The following ENC1 variants were observed in gnomAD, a reference collection of about 807,000 sequenced individuals.
ENC1 encodes ectodermal-neural cortex 1.
In ENC1, 19 loss-of-function variants were observed where a neutral mutation model predicts 40.9. The ratio of observed to expected loss-of-function variants is 0.46; its 90% CI spans 0.32 to 0.68. The LOEUF is 0.68. Among genes scored for constraint, ENC1 ranks in the 30% least tolerant of loss-of-function variants. The pLI is 0.03. For missense variants in ENC1, 479 were observed against 737.5 expected (o/e 0.65, Z 4.06); for synonymous variants, 285 against 291.1 (o/e 0.98, Z 0.21).
chr5:74,635,304 C>A lies in ENC1; in HGVS notation c.1182G>T (p.Gly394=). Residue 394 remains glycine (G), a synonymous_variant, in exon 2 of 3, where the codon GGG becomes GGT. Coordinates refer to ENST00000302351, the MANE Select transcript of ENC1 (RefSeq NM_003633.4). This position sits in a 1 kb window ranked among gnomAD's most constrained non-coding sequence, Gnocchi z 5.5. ...AELKHCLYVV[G]GHTAATGCLP... is the part of the protein sequence containing the mutation. ...GGCAGCCAGTTGCGGCCGTGTGCCC[C>A]CCAACCACATACAGGCAGTGCTTCA... 1 of 1,614,180 alleles carries A rather than the reference C, an allele frequency of 6.2e-7. No homozygotes were observed. Among genetic ancestry groups the A allele is most frequent in the Non-Finnish European group, 8.5e-7 (1 of 1,180,038 alleles).
At chr5:74,640,255 C>T (rs1747805520) in intron 1 of ENC1, 52 bp downstream of exon 1, 1 of 152,994 alleles carries the variant, frequency 6.5e-6, no homozygotes. Flanking sequence ...CCGAAGCAGC[C>T]CCTGAAGCCC....
intron 2 of ENC1, among the ~76,000 whole-genome samples, chr5:74,632,830 A>G (rs1194768280): frequency 2.6e-5 from 4 of 152,180 alleles, no homozygotes; most frequent in African/African-American, 4.8e-5. Context: ...CAGCCTGGGA[A>G]ATAGAATAAG....
At chr5:74,630,464 G>A (rs1244872525) in intron 2 of ENC1, among the ~76,000 whole-genome samples, 1 of 152,156 alleles carries the variant, frequency 6.6e-6, no homozygotes, top group African/African-American at 2.4e-5. Flanking sequence ...TACCATGAAA[G>A]ATTCCAAATT....
intron 1 of ENC1, among the ~76,000 whole-genome samples, chr5:74,639,860 C>CA (rs1489532059): frequency 3.9e-5 from 6 of 152,258 alleles, no homozygotes; most frequent in Non-Finnish European, 8.8e-5. Context: ...AACATGCCCG[C>CA]ACTCAGGGTG....
At chr5:74,634,151 T>C (rs1747488356) in intron 2 of ENC1, among the ~76,000 whole-genome samples, 1 of 152,144 alleles carries the variant, frequency 6.6e-6, no homozygotes, top group Non-Finnish European at 1.5e-5. Context: ...CGGTGGCTTA[T>C]GCCTGTAATC....
At chr5:74,633,533 G>A (rs1747463297) in intron 2 of ENC1, among the ~76,000 whole-genome samples, 1 of 152,110 alleles carries the variant, frequency 6.6e-6, no homozygotes, top group African/African-American at 2.4e-5. Context: ...GCCTTAAAGG[G>A]GGCTACTTTT....
At chr5:74,639,974 C>A (rs1054581594) in intron 1 of ENC1, 6 of 152,232 alleles carry the variant, frequency 3.9e-5, no homozygotes, top group African/African-American at 1.4e-4. Context: ...CGCAGCGCGA[C>A]ATTCACCCCC....
In ENC1 at chr5:74,636,521, A is replaced by C; in HGVS notation, c.-13-23T>G. On this transcript the variant is annotated intron_variant, in intron 1 of 2. Transcript: ENST00000302351. This position sits in a 1 kb window ranked among gnomAD's most constrained non-coding sequence, Gnocchi z 4.8. ...CTCCTAAAAATAATAATAATAATAA[A>C]TTGAAAATGATGCTCCTGATGTTCA... is the stretch of plus-strand genomic sequence containing the variant. 8.0e-7 allele frequency: 1 copy of C among 1,251,326 alleles called. No individual in the cohort carries two copies. Among genetic ancestry groups the C allele is most frequent in the Non-Finnish European group, 1.1e-6 (1 of 888,946 alleles). The allele number at this position is 1,251,326 out of a possible 1,614,324, so 77.5% of individuals were successfully genotyped here. A position where few individuals can be genotyped will look rare whatever the true frequency, so the allele number is the denominator to read the frequency against.
chr5:74,635,786 G>A lies in ENC1; in HGVS notation c.700C>T (p.Gln234Ter). 1 of 1,613,926 alleles carries A rather than the reference G, an allele frequency of 6.2e-7. No homozygotes were observed. Among genetic ancestry groups the A allele is most frequent in the Non-Finnish European group, 8.5e-7 (1 of 1,179,844 alleles). ...KRYCYLPELL[Q>*]TVRLALLPAI... ...GGCAGAAGTGCCAGCCTTACTGTCT[G>A]CAACAGTTCTGGGAGGTAGCAATAG... The change falls in exon 2 of 3, where the codon CAG becomes TAG. Residue 234 changes from glutamine to a stop codon, truncating the protein, a stop_gained. Coordinates refer to ENST00000302351, the MANE Select transcript of ENC1 (RefSeq NM_003633.4). LOFTEE classifies it high-confidence loss of function. This position sits in a 1 kb window ranked among gnomAD's most constrained non-coding sequence, Gnocchi z 5.5.
rs1747622377 is a variant in ENC1, at chr5:74,636,943, C to T, written c.-13-445G>A. ...CTTATAATGCCAGGATGGGCACTGG[C>T]TTTCATGCCCCATGCAACATAAAGC... On this transcript the variant is annotated intron_variant, in intron 1 of 2. Coordinates refer to ENST00000302351, the MANE Select transcript of ENC1 (RefSeq NM_003633.4). This position sits in a 1 kb window ranked among gnomAD's most constrained non-coding sequence, Gnocchi z 4.8. Among the ~76,000 whole-genome samples, 1 of 152,206 alleles carries T rather than the reference C, an allele frequency of 6.6e-6. No homozygotes were observed. The highest frequency in any genetic ancestry group is 1.5e-5 in the Non-Finnish European group (1 of 68,034).
chr5:74,631,239 G>C (rs1173811758), intron 2 of ENC1, among the ~76,000 whole-genome samples: 2 of 151,774 alleles, frequency 1.3e-5, no homozygotes, highest in African/African-American at 4.8e-5. Flanking sequence ...CAAAGCCTAA[G>C]TTAGGTTGAG....
Position 74,635,862 on chromosome 5 carries a change from C to G in ENC1, c.624G>C (p.Arg208Ser), listed in dbSNP as rs1271940269. ...AGTTAATTGCAGACTCGTACACAAG[C>G]CTTTCATCCTCTGTCTCCAGCTCTT... is the stretch of plus-strand genomic sequence containing the variant. ...SSEELETEDE[R>S]LVYESAINWI... Residue 208 changes from arginine (R) to serine (S), a missense_variant, in exon 2 of 3, where the codon AGG becomes AGC. Coordinates refer to ENST00000302351, the MANE Select transcript of ENC1 (RefSeq NM_003633.4). This position sits in a 1 kb window ranked among gnomAD's most constrained non-coding sequence, Gnocchi z 5.5. 3 of 1,613,998 alleles carry G rather than the reference C, an allele frequency of 1.9e-6. No homozygotes were observed. Among genetic ancestry groups the G allele is most frequent in the Non-Finnish European group, 2.5e-6 (3 of 1,180,028 alleles).
intron 2 of ENC1, among the ~76,000 whole-genome samples, chr5:74,632,841 ACT>A (rs1213957967): frequency 1.3e-5 from 2 of 152,086 alleles, no homozygotes; most frequent in Non-Finnish European, 2.9e-5. Flanking sequence ...ATAGAATAAG[ACT>A]CTGTCTCAAA....
chr5:74,639,041 A>T (rs934066741), intron 1 of ENC1, among the ~76,000 whole-genome samples: 1 of 152,228 alleles, frequency 6.6e-6, no homozygotes, highest in African/African-American at 2.4e-5. Context: ...ATGCTCCTGT[A>T]TGTTCCAGGT....
At position 74,635,508 on chromosome 5, in the gene ENC1, A is replaced by G; in HGVS notation, c.978T>C (p.Ile326=). The G allele has an allele frequency of 1.2e-6, 2 of 1,613,962 alleles. No individual in the cohort carries two copies. The highest frequency in any genetic ancestry group is 1.7e-6 in the Non-Finnish European group (2 of 1,180,002). ...CACTAAACTCTTTTCTTGGGCTGGG[A>G]ATGTCAGCCTTGGGAATGATTTCTT... is the stretch of plus-strand genomic sequence containing the variant. ...KAKEIIPKAD[I]PSPRKEFSAC... is the part of the protein sequence containing the mutation. The change falls in exon 2 of 3, where the codon ATT becomes ATC. Residue 326 remains isoleucine (I), a synonymous_variant. Transcript: ENST00000302351. This position sits in a 1 kb window ranked among gnomAD's most constrained non-coding sequence, Gnocchi z 5.5.
chr5:74,634,058 T>C (rs899150559), intron 2 of ENC1, among the ~76,000 whole-genome samples: 2 of 152,174 alleles, frequency 1.3e-5, no homozygotes, highest in Non-Finnish European at 2.9e-5. Flanking sequence ...TTAAAAATAC[T>C]GATGCTTGGA....
intron 2 of ENC1, 55 bp downstream of exon 2, chr5:74,634,629 A>T: frequency 1.2e-6 from 1 of 825,180 alleles, no homozygotes; most frequent in Non-Finnish European, 2.0e-6. Flanking sequence ...CATGTACTGA[A>T]CTTACACAAT....
In ENC1 at chr5:74,635,169, T is replaced by C. The variant is rs758804267; in HGVS notation, c.1317A>G (p.Val439=). 3.1e-6 allele frequency: 5 copies of C among 1,614,204 alleles called. No individual in the cohort carries two copies. In the South Asian group the frequency reaches 5.5e-5, roughly 18 times the overall value. ...CAAATAACTTAAGTTTGGCACTCAC[T>C]ACTGCGGCGTTGCTAACGCCTTCTC... ...PLREGVSNAA[V]VSAKLKLFAF... Residue 439 remains valine (V), a synonymous_variant, in exon 2 of 3, where the codon GTA becomes GTG. Coordinates refer to ENST00000302351, the MANE Select transcript of ENC1 (RefSeq NM_003633.4). This position sits in a 1 kb window ranked among gnomAD's most constrained non-coding sequence, Gnocchi z 5.5.
At position 74,629,171 on chromosome 5, in the gene ENC1, T is replaced by C. The variant is rs1169558889; in HGVS notation, c.*854A>G. On this transcript the variant is annotated 3_prime_UTR_variant, in exon 3 of 3. Transcript: ENST00000302351. Reference sequence around the variant, plus strand: ...CTTCCCTGTCTTGACATTTTAAAAATCCACCCCTCCCCAACCCACCCTCCA... The same window carrying C: ...CTTCCCTGTCTTGACATTTTAAAAACCCACCCCTCCCCAACCCACCCTCCA... 1 of 152,130 alleles carries C rather than the reference T, an allele frequency of 6.6e-6. No individual in the cohort carries two copies. The highest frequency in any genetic ancestry group is 2.4e-5 in the African/African-American group (1 of 41,418). The allele number at this position is 152,130 out of a possible 1,614,324, so 9.4% of individuals were successfully genotyped here. A position where few individuals can be genotyped will look rare whatever the true frequency, so the allele number is the denominator to read the frequency against.
Sources: allele counts gnomAD v4.1 joint callset (sites outside exome capture counted in the v4.1 genomes callset), GRCh38; gene constraint gnomAD v4.1.1; non-coding constraint Gnocchi (gnomAD v3.1); transcripts MANE v1.5; gene names NCBI Gene and HGNC (gene_info 2026-07-23, HGNC 2026-07-21).